Variants in CFL1 observed in about 807,000 individuals in gnomAD.
CFL1 encodes cofilin-1.
CFL1 carries 2 observed loss-of-function variants against 16.3 expected under a neutral mutation model. The ratio of observed to expected loss-of-function variants is 0.12; its 90% CI spans 0.05 to 0.39. The LOEUF is 0.39. Ranked by LOEUF, CFL1 falls within the 10% of genes least tolerant of loss-of-function variation. The pLI is 0.99. For missense variants in CFL1, 75 were observed against 212.2 expected, an observed-to-expected ratio of 0.35 and a Z score of 4.02; for synonymous variants, 111 against 84.4, an observed-to-expected ratio of 1.31 and a Z score of -1.73.
intron 1 of CFL1, chr11:65,857,415 C>T (rs1369385869): frequency 2.3e-6 from 1 of 436,838 alleles, no homozygotes; most frequent in South Asian, 1.6e-5. Context: ...CCGTTCCAGC[C>T]CTCGCCCGAT....
Position 65,855,273 on chromosome 11 carries a change from C to T in CFL1, c.*63G>A. On this transcript the variant is annotated 3_prime_UTR_variant, in exon 4 of 4. Transcript: ENST00000308162. ...CTCCGGTCTGGCAGGAAGGGGGCAGCCTGCAACCCCCAAGGGCAGGTGTGG... is the reference window on the plus strand; with the variant it reads ...CTCCGGTCTGGCAGGAAGGGGGCAGTCTGCAACCCCCAAGGGCAGGTGTGG... 1.4e-6 allele frequency: 2 copies of T among 1,415,254 alleles called. No individual in the cohort carries two copies. Among genetic ancestry groups the T allele is most frequent in the South Asian group, 1.2e-5 (1 of 86,496 alleles). The allele number at this position is 1,415,254 out of a possible 1,614,324, so 87.7% of individuals were successfully genotyped here.
intron 1 of CFL1, 77 bp from the exon 2 acceptor site, chr11:65,856,319 C>T: frequency 6.8e-7 from 1 of 1,466,072 alleles, no homozygotes; most frequent in East Asian, 2.3e-5. Flanking sequence ...GATCTCAGTC[C>T]ACGTCCCGAG....
At chr11:65,856,336 C>CTAG in intron 1 of CFL1, 94 bp from the exon 2 acceptor site, 1 of 1,255,608 alleles carries the variant, frequency 8.0e-7, no homozygotes, top group Non-Finnish European at 1.1e-6. Flanking sequence ...CGAGTGGTCA[C>CTAG]TAGTGCCCTT....
chr11:65,857,245 T>C (rs1409676593), intron 1 of CFL1: 2 of 274,326 alleles, frequency 7.3e-6, no homozygotes, highest in Admixed American at 9.7e-5. Context: ...CCTCGGGCCG[T>C]ATACAGGGGG....
At chr11:65,855,591 T>A in intron 3 of CFL1, 63 bp downstream of exon 3, 1 of 1,558,754 alleles carries the variant, frequency 6.4e-7, no homozygotes, top group Non-Finnish European at 8.8e-7. Flanking sequence ...CTGCGTGCCA[T>A]TCACCCTGCC....
Position 65,855,093 on chromosome 11 carries a change from T to A in CFL1, c.*243A>T, listed in dbSNP as rs766063563. On this transcript the variant is annotated 3_prime_UTR_variant, in exon 4 of 4. Transcript: ENST00000308162. The stretch of plus-strand genomic sequence containing the variant: ...TGGGGTGCCTGGGGGGAACTTGGTC[T>A]GCTTCAGCCCAAGAGGAATCAAAAG... 5 of 464,248 alleles carry A rather than the reference T, an allele frequency of 1.1e-5. No individual in the cohort carries two copies. The highest frequency in any genetic ancestry group is 2.0e-5 in the Non-Finnish European group (5 of 253,954). The allele number at this position is 464,248 out of a possible 1,614,324, so 28.8% of individuals were successfully genotyped here. A position where few individuals can be genotyped will look rare whatever the true frequency, so the allele number is the denominator to read the frequency against.
Position 65,855,732 on chromosome 11 carries a change from T to C in CFL1, c.312-2A>G. ...TTAAGGGGCGCAGACTCGGGGGCCC[T>C]GGACAGAAACACGCGTCAGGCAACT... On this transcript the variant is annotated splice_acceptor_variant, in intron 2 of 3. Transcript: ENST00000308162. LOFTEE classifies it high-confidence loss of function. 6.5e-7 allele frequency: 1 copy of C among 1,540,256 alleles called. No individual in the cohort carries two copies. The highest frequency in any genetic ancestry group is 8.7e-7 in the Non-Finnish European group (1 of 1,145,602).
rs1360470399 is a variant in CFL1, at chr11:65,858,090, C to T, written c.3+7G>A. 2.6e-6 allele frequency: 4 copies of T among 1,535,286 alleles called. No homozygotes were observed. The African/African-American group carries it at 4.2e-5, about 16-fold the overall frequency. On this transcript the variant is annotated splice_region_variant and intron_variant, in intron 1 of 3. Coordinates refer to ENST00000308162, the MANE Select transcript of CFL1 (RefSeq NM_005507.3). ...GCCTCCCTCAGGCGCCGTGGCCTGC[C>T]GCTCACCATGTTTCCGGAAACGAAA...
In CFL1 at chr11:65,855,688, G is replaced by C. The variant is rs1227367258; in HGVS notation, c.354C>G (p.Ala118=). The C allele has an allele frequency of 6.4e-7, 1 of 1,572,360 alleles. No individual in the cohort carries two copies. Among genetic ancestry groups the C allele is most frequent in the South Asian group, 1.2e-5 (1 of 84,258 alleles). The change falls in exon 3 of 4, where the codon GCC becomes GCG. Residue 118 remains alanine (A), a synonymous_variant. Transcript: ENST00000308162. The stretch of plus-strand genomic sequence containing the variant: ...TCTTCTTGATGGCGTCCTTGGAGCT[G>C]GCATAAATCATTTTGCTCTTAAGGG... ...SAPLKSKMIY[A]SSKDAIKKKL...
chr11:65,857,220 T>G (rs774770513), intron 1 of CFL1: 51 of 249,414 alleles, frequency 2.0e-4, no homozygotes, highest in Non-Finnish European at 3.0e-4. Flanking sequence ...CTACATAACC[T>G]TCGGTTTTCT....
chr11:65,857,406 C>G (rs1249368742), intron 1 of CFL1: 1 of 432,964 alleles, frequency 2.3e-6, no homozygotes, highest in Non-Finnish European at 4.7e-6. Flanking sequence ...CAGACAGCGC[C>G]GTTCCAGCCC....
chr11:65,857,440 G>A, intron 1 of CFL1: 1 of 432,898 alleles, frequency 2.3e-6, no homozygotes, highest in Non-Finnish European at 4.7e-6. Flanking sequence ...GGGTGAGAAC[G>A]CAGCTCGTTA....
intron 1 of CFL1, chr11:65,857,873 G>A (rs1859417370): frequency 6.0e-6 from 2 of 332,354 alleles, no homozygotes; most frequent in South Asian, 1.4e-4. Context: ...ACCAGCGGGT[G>A]GGGGAGGGGA....
At chr11:65,855,539 G>A in intron 3 of CFL1, 91 bp from the exon 4 acceptor site, 1 of 1,557,746 alleles carries the variant, frequency 6.4e-7, no homozygotes, top group South Asian at 1.1e-5. Flanking sequence ...AAAGCAGATG[G>A]AAGGAACAAG....
At chr11:65,856,784 C>A (rs1491000762) in intron 1 of CFL1, 1 of 155,712 alleles carries the variant, frequency 6.4e-6, no homozygotes, top group Non-Finnish European at 1.4e-5. Context: ...CTTTCCCAAC[C>A]AAGACAAGAA....
chr11:65,857,397 A>G (rs1054578181), intron 1 of CFL1: 3 of 430,102 alleles, frequency 7.0e-6, no homozygotes, highest in African/African-American at 4.1e-5. Context: ...ACGCGCCGAC[A>G]GACAGCGCCG....
intron 2 of CFL1, 34 bp downstream of exon 2, chr11:65,855,901 C>T (rs1311311112): frequency 7.5e-6 from 12 of 1,591,196 alleles, no homozygotes; most frequent in African/African-American, 1.3e-5. Flanking sequence ...AGAAAGGGGG[C>T]AGGTGACAGG....
rs780242931 is a variant in CFL1, at chr11:65,855,638, C to T, written c.388+16G>A. 1 of 1,560,988 alleles carries T rather than the reference C, an allele frequency of 6.4e-7. No individual in the cohort carries two copies. Among genetic ancestry groups the T allele is most frequent in the Non-Finnish European group, 8.7e-7 (1 of 1,153,468 alleles). On this transcript the variant is annotated intron_variant, in intron 3 of 3. Coordinates refer to ENST00000308162, the MANE Select transcript of CFL1 (RefSeq NM_005507.3). ...GCCAGAGCAGAAGGGCACTCAGCAC[C>T]AATGCTGGCCCTTACCTGTCAGCTT...
chr11:65,855,267 G>C lies in CFL1; in HGVS notation c.*69C>G, dbSNP rs1324134304. 7.5e-7 allele frequency: 1 copy of C among 1,339,602 alleles called. No homozygotes were observed. The highest frequency in any genetic ancestry group is 2.3e-5 in the East Asian group (1 of 43,244). The allele number at this position is 1,339,602 out of a possible 1,614,324, so 83.0% of individuals were successfully genotyped here. On this transcript the variant is annotated 3_prime_UTR_variant, in exon 4 of 4. Coordinates refer to ENST00000308162, the MANE Select transcript of CFL1 (RefSeq NM_005507.3). ...CAGCCCCTCCGGTCTGGCAGGAAGGGGGCAGCCTGCAACCCCCAAGGGCAG... is the reference window on the plus strand; with the variant it reads ...CAGCCCCTCCGGTCTGGCAGGAAGGCGGCAGCCTGCAACCCCCAAGGGCAG...
Sources: allele counts gnomAD v4.1 joint callset, GRCh38; gene constraint gnomAD v4.1.1; transcripts MANE v1.5; gene names NCBI Gene and HGNC (gene_info 2026-07-23, HGNC 2026-07-21).